JAZF1: variants seen among roughly 807,000 people sequenced by gnomAD.
The protein encoded by JAZF1 is JAZF zinc finger 1.
In JAZF1, 8 loss-of-function variants were observed where a neutral mutation model predicts 26.4. That is an observed-to-expected ratio of 0.30 (90% CI 0.18 to 0.55). The LOEUF (loss-of-function observed/expected upper bound fraction) is 0.55, where lower values mean the gene tolerates loss of function less well. Ranked by LOEUF, JAZF1 falls within the 20% of genes least tolerant of loss-of-function variation. The pLI, the probability that JAZF1 is intolerant of heterozygous loss-of-function variation, is 0.94. For synonymous variants in JAZF1, 126 were observed against 122.3 expected (o/e 1.03, Z -0.20); for missense variants, 199 against 322.0 (o/e 0.62, Z 2.92).
At chr7:27,889,417 G>A (rs371316422) in intron 3 of JAZF1, among the ~76,000 whole-genome samples, 2 of 152,122 alleles carry the variant, frequency 1.3e-5, no homozygotes, top group Non-Finnish European at 2.9e-5. Flanking sequence ...ATGATCCCAC[G>A]TCAAAGGTCA....
intron 2 of JAZF1, among the ~76,000 whole-genome samples, chr7:27,940,156 C>T (rs1023168886): frequency 2.0e-5 from 3 of 152,176 alleles, no homozygotes; most frequent in Admixed American, 6.5e-5. Context: ...AGCATGCCCC[C>T]GGTACCATTC....
intron 2 of JAZF1, among the ~76,000 whole-genome samples, chr7:27,953,039 C>T (rs1014638396): frequency 6.6e-6 from 1 of 152,178 alleles, no homozygotes; most frequent in Non-Finnish European, 1.5e-5. Flanking sequence ...ATATTAGTTA[C>T]AGCATTAGCA....
At chr7:28,126,715 G>A (rs1782697405) in intron 1 of JAZF1, among the ~76,000 whole-genome samples, 1 of 152,208 alleles carries the variant, frequency 6.6e-6, no homozygotes, top group South Asian at 2.1e-4. Context: ...AGGGACACAA[G>A]TGTCTCTAGA....
chr7:28,075,429 A>G, intron 1 of JAZF1, among the ~76,000 whole-genome samples: 1 of 152,298 alleles, frequency 6.6e-6, no homozygotes, highest in Middle Eastern at 3.4e-3. Flanking sequence ...AATATGAGAA[A>G]ATAATTTTAA....
At chr7:27,998,960 G>A (rs556205419) in intron 1 of JAZF1, among the ~76,000 whole-genome samples, 1 of 152,276 alleles carries the variant, frequency 6.6e-6, no homozygotes, top group South Asian at 2.1e-4. Flanking sequence ...ATGACTGCTT[G>A]AATTTTTCCC....
At position 27,832,215 on chromosome 7, in the gene JAZF1, C is replaced by T; in HGVS notation, c.*585G>A. 4.7e-6 allele frequency: 1 copy of T among 211,916 alleles called. No homozygotes were observed. 13.1% of individuals were successfully genotyped at this position (211,916 alleles called of 1,614,324 possible). A position where few individuals can be genotyped will look rare whatever the true frequency, so the allele number is the denominator to read the frequency against. On this transcript the variant is annotated 3_prime_UTR_variant, in exon 5 of 5. Coordinates refer to ENST00000283928, the MANE Select transcript of JAZF1 (RefSeq NM_175061.4). The stretch of plus-strand genomic sequence containing the variant: ...GCAAGATAATATAAAACACAGAAAG[C>T]ACACCTTTACGTATGTTATTTAAAT...
chr7:27,923,234 C>T (rs975983671), intron 2 of JAZF1, among the ~76,000 whole-genome samples: 1 of 152,202 alleles, frequency 6.6e-6, no homozygotes, highest in Non-Finnish European at 1.5e-5. Flanking sequence ...ATAGACAAGA[C>T]CAGCATGTCC....
At chr7:28,045,332 AAAG>A (rs1783477707) in intron 1 of JAZF1, among the ~76,000 whole-genome samples, 1 of 152,152 alleles carries the variant, frequency 6.6e-6, no homozygotes, top group Admixed American at 6.5e-5. Context: ...CTGAATAACA[AAAG>A]AAGGGGAAGC....
At chr7:28,156,053 A>G (rs902886887) in intron 1 of JAZF1, among the ~76,000 whole-genome samples, 9 of 152,200 alleles carry the variant, frequency 5.9e-5, no homozygotes, top group Non-Finnish European at 5.9e-5. Context: ...ATTCAATCCA[A>G]ATTGCCACTC....
At chr7:27,844,467 G>A (rs1194788973) in intron 3 of JAZF1, 1 of 152,120 alleles carries the variant, frequency 6.6e-6, no homozygotes, top group Non-Finnish European at 1.5e-5. Context: ...CCCCATTCCT[G>A]GAAAGCAGGA....
chr7:28,170,745 A>T (rs1471423163), intron 1 of JAZF1, among the ~76,000 whole-genome samples: 1 of 152,136 alleles, frequency 6.6e-6, no homozygotes, highest in African/African-American at 2.4e-5. Context: ...TTATTTCTCC[A>T]AGACTTTCAG....
rs772483102 is a variant in JAZF1 at position 28,110,498 on chromosome 7, GAAAGGA to G, written c.115+69959_115+69964del. On this transcript the variant is annotated intron_variant, in intron 1 of 4. Transcript: ENST00000283928. Reference sequence around the variant, plus strand: ...GAAAGGAAAGGAAAGGAAAGGAAAGGAAAGGAAAAGGAAAGGAAAAGGAAAAGGAAA... The same window carrying G: ...GAAAGGAAAGGAAAGGAAAGGAAAGGAAAGGAAAGGAAAAGGAAAAGGAAA... Among the ~76,000 whole-genome samples the G allele has an allele frequency of 1.1e-3, 40 of 37,704 alleles. 1 individual carries two copies. Among genetic ancestry groups the G allele is most frequent in the East Asian group, 7.6e-3 (7 of 926 alleles). The allele number at this position is 37,704 out of a possible 152,430, so 24.7% of individuals were successfully genotyped here.
At chr7:28,007,500 C>G (rs180903497) in intron 1 of JAZF1, among the ~76,000 whole-genome samples, 2 of 151,536 alleles carry the variant, frequency 1.3e-5, no homozygotes, top group African/African-American at 4.9e-5. Flanking sequence ...ACCCGGGAGG[C>G]GGAGGTTGCA....
intron 4 of JAZF1, 200 bp from the exon 5 acceptor site, chr7:27,833,176 T>C: frequency 2.8e-6 from 1 of 360,002 alleles, no homozygotes; most frequent in Middle Eastern, 7.3e-4. Context: ...CACACACAGC[T>C]GACTCAAAAT....
intron 1 of JAZF1, among the ~76,000 whole-genome samples, chr7:28,018,349 G>T (rs977458151): frequency 5.9e-5 from 9 of 152,210 alleles, no homozygotes; most frequent in Non-Finnish European, 1.0e-4. Context: ...GTGGGCCACC[G>T]TTGGGAGTGT....
chr7:27,873,885 A>G (rs1300023240), intron 3 of JAZF1, among the ~76,000 whole-genome samples: 1 of 152,248 alleles, frequency 6.6e-6, no homozygotes, highest in Non-Finnish European at 1.5e-5. Context: ...CTGAGAAGGT[A>G]GACTGAGACA....
chr7:28,029,402 C>G (rs1406662770), intron 1 of JAZF1, among the ~76,000 whole-genome samples: 6 of 152,188 alleles, frequency 3.9e-5, no homozygotes, highest in Non-Finnish European at 8.8e-5. Flanking sequence ...TAAGGAATTG[C>G]TAACAGATGA....
rs549813696 is a variant in JAZF1 at position 28,173,701 on chromosome 7, G to A, written c.115+6762C>T. ...GCTTCCTTGGGAGGCCAGTGGGTGA[G>A]CTGGGCAAGGGACAATGGCCGTCAG... On this transcript the variant is annotated intron_variant, in intron 1 of 4. Transcript: ENST00000283928. 1.7e-3 allele frequency among the ~76,000 whole-genome samples: 255 copies of A among 152,094 alleles called. 1 individual carries two copies. Among genetic ancestry groups the A allele is most frequent in the African/African-American group, 5.9e-3 (246 of 41,496 alleles).
At chr7:27,914,746 G>C in intron 2 of JAZF1, 1 of 471,136 alleles carries the variant, frequency 2.1e-6, no homozygotes, top group Non-Finnish European at 4.4e-6. Flanking sequence ...TTTCCACACA[G>C]GGGCCTCTCA....
Sources: allele counts gnomAD v4.1 joint callset (sites outside exome capture counted in the v4.1 genomes callset), GRCh38; gene constraint gnomAD v4.1.1; transcripts MANE v1.5; gene names NCBI Gene and HGNC (gene_info 2026-07-23, HGNC 2026-07-21).